The following RCBTB1 variants were observed in gnomAD, a reference collection of about 807,000 sequenced individuals.
RCBTB1 encodes the protein RCC1 and BTB domain containing protein 1.
RCBTB1 carries 46 observed loss-of-function variants against 62.4 expected under a neutral mutation model. The observed-to-expected ratio is 0.74, with a 90% CI of 0.58 to 0.94. The LOEUF (loss-of-function observed/expected upper bound fraction) is 0.94. RCBTB1 is among the 40% of genes least tolerant of loss of function. RCBTB1 has a pLI of 0.00. For synonymous variants in RCBTB1, 222 were observed against 245.8 expected (o/e 0.90, Z 0.91); for missense variants, 565 against 654.9 (o/e 0.86, Z 1.50).
chr13:49,546,644 G>GATC (rs1164329699), intron 9 of RCBTB1, among the ~76,000 whole-genome samples: 1 of 152,234 alleles, frequency 6.6e-6, no homozygotes, highest in Non-Finnish European at 1.5e-5. Context: ...GACAGTGACA[G>GATC]ATCATCTAGG....
chr13:49,536,100 C>T (rs1043075431), intron 12 of RCBTB1, among the ~76,000 whole-genome samples: 1 of 152,002 alleles, frequency 6.6e-6, no homozygotes, highest in African/African-American at 2.4e-5. Flanking sequence ...ACTTTATACA[C>T]TCATGAAAAT....
At chr13:49,566,198 A>C (rs1160167751) in intron 4 of RCBTB1, among the ~76,000 whole-genome samples, 3 of 151,170 alleles carry the variant, frequency 2.0e-5, no homozygotes, top group African/African-American at 7.3e-5. Flanking sequence ...CCTTCCCTCC[A>C]CTATTGTCCT....
rs573765605 is a variant in RCBTB1 at position 49,544,675 on chromosome 13, T to C, written c.1172+62A>G. 1.2e-4 allele frequency: 171 copies of C among 1,424,122 alleles called. No individual in the cohort carries two copies. The African/African-American group carries it at 2.4e-3, about 20-fold the overall frequency. 88.2% of individuals were successfully genotyped at this position (1,424,122 alleles called of 1,614,324 possible). A position where few individuals can be genotyped will look rare whatever the true frequency, so the allele number is the denominator to read the frequency against. On this transcript the variant is annotated intron_variant, in intron 10 of 12. Coordinates refer to ENST00000378302, the MANE Select transcript of RCBTB1 (RefSeq NM_018191.4). ...AGGCTATTTTTTATCAGTACTCATTTTGTGGAATAACAAAGAAAGAAAAGT... is the reference window on the plus strand; with the variant it reads ...AGGCTATTTTTTATCAGTACTCATTCTGTGGAATAACAAAGAAAGAAAAGT...
At chr13:49,551,274 C>A in intron 8 of RCBTB1, 52 bp downstream of exon 8, 1 of 1,598,922 alleles carries the variant, frequency 6.3e-7, no homozygotes, top group Non-Finnish European at 8.5e-7. Flanking sequence ...CCACACACAG[C>A]CCCAAGGCCA....
chr13:49,536,170 G>A (rs1428418671), intron 12 of RCBTB1, among the ~76,000 whole-genome samples: 1 of 152,128 alleles, frequency 6.6e-6, no homozygotes, highest in African/African-American at 2.4e-5. Context: ...AGGTATCTGG[G>A]TATGCAATAA....
chr13:49,539,970 C>A (rs897591463), intron 12 of RCBTB1, among the ~76,000 whole-genome samples: 10 of 152,178 alleles, frequency 6.6e-5, no homozygotes, highest in Non-Finnish European at 2.9e-5. Context: ...CTCCTTGATA[C>A]CAGATATTCT....
At position 49,532,141 on chromosome 13, in the gene RCBTB1, C is replaced by T. The variant is rs569006511; in HGVS notation, c.*1981G>A. 6.6e-6 allele frequency: 1 copy of T among 152,444 alleles called. No individual in the cohort carries two copies. Among genetic ancestry groups the T allele is most frequent in the African/African-American group, 2.4e-5 (1 of 41,452 alleles). The allele number at this position is 152,444 out of a possible 1,614,324, so 9.4% of individuals were successfully genotyped here. A position where few individuals can be genotyped will look rare whatever the true frequency, so the allele number is the denominator to read the frequency against. On this transcript the variant is annotated 3_prime_UTR_variant, in exon 13 of 13. Transcript: ENST00000378302. ...TCAATTCAAATAAGAGTTGTCATAT[C>T]CTGCTATGATTAACAAAAAAACAAG...
rs1961167472 is a variant in RCBTB1, at chr13:49,549,773, T to TA, written c.855-126dup. 15 of 1,437,798 alleles carry TA rather than the reference T, an allele frequency of 1.0e-5. No individual in the cohort carries two copies. The South Asian group carries it at 1.8e-4, about 17-fold the overall frequency. The allele number at this position is 1,437,798 out of a possible 1,614,324, so 89.1% of individuals were successfully genotyped here. A position where few individuals can be genotyped will look rare whatever the true frequency, so the allele number is the denominator to read the frequency against. On this transcript the variant is annotated intron_variant, in intron 8 of 12. Coordinates refer to ENST00000378302, the MANE Select transcript of RCBTB1 (RefSeq NM_018191.4). ...AAAACAGTCCAAGTTCCAGGGACAC[T>TA]AGCTGCCAAGTCACAGCAACAAAAG...
In RCBTB1 at chr13:49,544,875, A is replaced by C; in HGVS notation, c.1046-12T>G. The C allele has an allele frequency of 6.2e-7, 1 of 1,604,628 alleles. No individual in the cohort carries two copies. Among genetic ancestry groups the C allele is most frequent in the Non-Finnish European group, 8.5e-7 (1 of 1,176,534 alleles). ...AAAGTCTTCATGCTCTGAAGGCAAC[A>C]AACATATATTAATATGGCAAGTTCA... On this transcript the variant is annotated splice_polypyrimidine_tract_variant and intron_variant, in intron 9 of 12. Transcript: ENST00000378302.
In RCBTB1 at chr13:49,540,959, G is replaced by T; in HGVS notation, c.1372C>A (p.Leu458Ile). Residue 458 changes from leucine (L) to isoleucine (I), a missense_variant, in exon 12 of 13, where the codon CTT becomes ATT. Leu to Ile is a conservative substitution (Grantham distance 5). Coordinates refer to ENST00000378302, the MANE Select transcript of RCBTB1 (RefSeq NM_018191.4). ...TSYCENRLKK[L>I]CQHIIKRGIT... ...CCTCTCTTGATAATGTGCTGACAAA[G>T]TTTTTTCAGTCTGTTTTCACAGTAA... is the stretch of plus-strand genomic sequence containing the variant. 1 of 1,613,472 alleles carries T rather than the reference G, an allele frequency of 6.2e-7. No homozygotes were observed. Among genetic ancestry groups the T allele is most frequent in the Non-Finnish European group, 8.5e-7 (1 of 1,179,976 alleles).
chr13:49,547,192 T>C (rs1223196477), intron 9 of RCBTB1: 3 of 1,094,786 alleles, frequency 2.7e-6, no homozygotes, highest in African/African-American at 3.4e-5. Flanking sequence ...AAAAAAATAC[T>C]GTATTATACC....
intron 4 of RCBTB1, among the ~76,000 whole-genome samples, chr13:49,565,672 G>C (rs1250355995): frequency 1.1e-5 from 1 of 88,142 alleles, no homozygotes; most frequent in Admixed American, 9.3e-5. Context: ...CGGCCGCCCC[G>C]TCTGAGAAGT....
Position 49,534,282 on chromosome 13 carries a change from A to G in RCBTB1, c.1456-20T>C. On this transcript the variant is annotated intron_variant, in intron 12 of 12. Coordinates refer to ENST00000378302, the MANE Select transcript of RCBTB1 (RefSeq NM_018191.4). ...TAAATCCTGGACACACAACAAAAAT[A>G]AAAACAAAAATGGCTTTTTTAGGCA... 2 of 1,601,554 alleles carry G rather than the reference A, an allele frequency of 1.2e-6. No homozygotes were observed. The highest frequency in any genetic ancestry group is 1.7e-6 in the Non-Finnish European group (2 of 1,173,216).
intron 12 of RCBTB1, chr13:49,539,492 G>C (rs1170782336): frequency 1.3e-5 from 2 of 152,196 alleles, no homozygotes; most frequent in Non-Finnish European, 2.9e-5. Flanking sequence ...CCTCTGCCCA[G>C]GTTGTTCTCA....
chr13:49,560,993 A>C (rs959958770), intron 4 of RCBTB1, among the ~76,000 whole-genome samples: 5 of 152,096 alleles, frequency 3.3e-5, no homozygotes, highest in Non-Finnish European at 7.4e-5. Context: ...CCTCTGTCTG[A>C]ATTTTTTTTA....
chr13:49,549,240 T>C (rs1167641115), intron 9 of RCBTB1, among the ~76,000 whole-genome samples: 5 of 151,780 alleles, frequency 3.3e-5, no homozygotes, highest in African/African-American at 4.9e-5. Context: ...TTGATATCAA[T>C]TGAAATGAAA....
At chr13:49,550,134 A>G (rs1434698121) in intron 8 of RCBTB1, among the ~76,000 whole-genome samples, 1 of 151,938 alleles carries the variant, frequency 6.6e-6, no homozygotes, top group African/African-American at 2.4e-5. Flanking sequence ...CTGCACCACC[A>G]TACCCGGCTA....
At chr13:49,550,193 G>A (rs926541306) in intron 8 of RCBTB1, among the ~76,000 whole-genome samples, 3 of 152,006 alleles carry the variant, frequency 2.0e-5, no homozygotes, top group Admixed American at 6.6e-5. Context: ...TGCCAGGGCC[G>A]GTCACCAACT....
rs1205228515 is a variant in RCBTB1, at chr13:49,552,032, A to C, written c.711+146T>G. The C allele has an allele frequency of 5.0e-6, 3 of 596,534 alleles. No individual in the cohort carries two copies. The East Asian group carries it at 9.6e-5, about 19-fold the overall frequency. The allele number at this position is 596,534 out of a possible 1,614,324, so 37.0% of individuals were successfully genotyped here. On this transcript the variant is annotated intron_variant, in intron 7 of 12. Transcript: ENST00000378302. ...GTCTTGCTTCTCCTCGTGGGAAATTAGGGAAGATATAATATTAAATATGGA... is the reference window on the plus strand; with the variant it reads ...GTCTTGCTTCTCCTCGTGGGAAATTCGGGAAGATATAATATTAAATATGGA...
Sources: gnomAD v4.1 joint callset for allele counts (sites outside exome capture counted in the v4.1 genomes callset) on GRCh38, gnomAD v4.1.1 for gene constraint, MANE v1.5 for transcripts, NCBI Gene and HGNC (gene_info 2026-07-23, HGNC 2026-07-21) for gene names.